The following TMEM177 variants were observed in gnomAD, a reference collection of about 807,000 sequenced individuals.
TMEM177 encodes transmembrane protein 177.
TMEM177 carries 4 observed loss-of-function variants against 14.2 expected under a neutral mutation model. The ratio of observed to expected loss-of-function variants is 0.28; its 90% confidence interval spans 0.14 to 0.64. TMEM177 has a LOEUF of 0.64. Ranked by LOEUF, TMEM177 falls within the 30% of genes least tolerant of loss-of-function variation. TMEM177 has a pLI of 0.82. For missense variants in TMEM177, 344 were observed against 405.2 expected (o/e 0.85, Z 1.30); for synonymous variants, 179 against 174.5 (o/e 1.03, Z -0.20).
At chr2:119,721,449 T>G in the TMEM177 span, among the ~76,000 whole-genome samples, 1 of 152,206 alleles carries the variant, frequency 6.6e-6, no homozygotes, top group Non-Finnish European at 1.5e-5. Flanking sequence ...TTCTTTATTA[T>G]AAAACTATAA....
the TMEM177 span, among the ~76,000 whole-genome samples, chr2:119,696,832 A>G: frequency 0.37 from 56,407 of 151,248 alleles, 10,792 homozygotes; most frequent in South Asian, 0.5. Flanking sequence ...TCGGGGAGGC[A>G]GGGAGAAGTG....
the TMEM177 span, chr2:119,698,621 AAAT>A: frequency 5.5e-6 from 1 of 181,498 alleles, no homozygotes; most frequent in African/African-American, 2.4e-5. Context: ...TGATCTGTGA[AAAT>A]GGTTCGCTAT....
At chr2:119,694,444 G>T in the TMEM177 span, among the ~76,000 whole-genome samples, 8 of 152,246 alleles carry the variant, frequency 5.3e-5, no homozygotes, top group Non-Finnish European at 1.2e-4. Flanking sequence ...CATATCTGAA[G>T]CAGAGGTGTG....
chr2:119,689,857 TTATTAC>T (rs1689067995), downstream of TMEM177, among the ~76,000 whole-genome samples: 3 of 152,220 alleles, frequency 2.0e-5, no homozygotes, highest in Non-Finnish European at 2.9e-5. Context: ...ATAAGGAATA[TTATTAC>T]TATTATAACA....
At chr2:119,705,603 T>G in the TMEM177 span, among the ~76,000 whole-genome samples, 1 of 138,068 alleles carries the variant, frequency 7.2e-6, no homozygotes, top group Non-Finnish European at 1.5e-5. Flanking sequence ...CTCTCTCCCT[T>G]CAGCCCACTC....
the TMEM177 span, among the ~76,000 whole-genome samples, chr2:119,707,797 G>C: frequency 6.6e-6 from 1 of 152,202 alleles, no homozygotes; most frequent in Non-Finnish European, 1.5e-5. Flanking sequence ...CCTCCACTCC[G>C]TGTTGCATGG....
At chr2:119,709,339 C>T in the TMEM177 span, among the ~76,000 whole-genome samples, 1 of 152,114 alleles carries the variant, frequency 6.6e-6, no homozygotes, top group African/African-American at 2.4e-5. Context: ...TACTACAATC[C>T]CTTTGAATTT....
At chr2:119,712,668 C>T in the TMEM177 span, among the ~76,000 whole-genome samples, 22 of 152,338 alleles carry the variant, frequency 1.4e-4, no homozygotes, top group South Asian at 1.7e-3. Context: ...ATGTCTATCG[C>T]TTAAGCCACC....
chr2:119,709,232 G>C, the TMEM177 span, among the ~76,000 whole-genome samples: 2 of 152,220 alleles, frequency 1.3e-5, no homozygotes, highest in Admixed American at 1.3e-4. Flanking sequence ...CCTGTGGCCT[G>C]ACAGATTGTG....
rs1478530101 is a variant in TMEM177, at chr2:119,681,605, A to C, written c.752A>C (p.Glu251Ala). ...AYACGGVEFY[E>A]KLLSGNLALR... is the part of the protein sequence containing the mutation. ...GCCTGTGGTGGAGTGGAGTTCTATG[A>C]GAAGCTTCTGTCGGGCAACCTGGCC... Residue 251 changes from glutamate to alanine, a missense_variant, in exon 2 of 2, where the codon GAG (glutamate) becomes GCG (alanine). Coordinates refer to ENST00000272521, the MANE Select transcript of TMEM177 (RefSeq NM_030577.3). 2 of 1,614,212 alleles carry C rather than the reference A, an allele frequency of 1.2e-6. No individual in the cohort carries two copies. The highest frequency in any genetic ancestry group is 3.3e-5 in the Admixed American group (2 of 60,026).
At chr2:119,717,992 G>C in the TMEM177 span, among the ~76,000 whole-genome samples, 1 of 152,046 alleles carries the variant, frequency 6.6e-6, no homozygotes, top group African/African-American at 2.4e-5. Flanking sequence ...CTGCTTCCCG[G>C]TCCCTTCTCC....
the TMEM177 span, among the ~76,000 whole-genome samples, chr2:119,696,636 T>C: frequency 6.6e-6 from 1 of 152,054 alleles, no homozygotes; most frequent in African/African-American, 2.4e-5. Context: ...GGGCTGGGTA[T>C]AGGGGGCAGA....
the TMEM177 span, among the ~76,000 whole-genome samples, chr2:119,703,034 A>C: frequency 6.6e-6 from 1 of 152,174 alleles, no homozygotes; most frequent in South Asian, 2.1e-4. Context: ...GAGCAAGCTC[A>C]CCGTGGCCCA....
downstream of TMEM177, chr2:119,685,971 A>G (rs138712730): frequency 2.9e-3 from 1,361 of 477,284 alleles, 8 homozygotes; most frequent in African/African-American, 0.022. Flanking sequence ...CCAGCCTACC[A>G]TGTTTAGTGC....
At chr2:119,712,255 C>T in the TMEM177 span, among the ~76,000 whole-genome samples, 8 of 152,056 alleles carry the variant, frequency 5.3e-5, no homozygotes, top group East Asian at 1.9e-4. Context: ...TCTCTCCTGC[C>T]GCGTGGCTCT....
At chr2:119,687,695 T>C (rs925900576), downstream of TMEM177, among the ~76,000 whole-genome samples, 1 of 152,096 alleles carries the variant, frequency 6.6e-6, no homozygotes, top group Non-Finnish European at 1.5e-5. Context: ...AGCCAAATCA[T>C]AGCACCCCAG....
downstream of TMEM177, among the ~76,000 whole-genome samples, chr2:119,688,200 G>T (rs910981127): frequency 6.6e-6 from 1 of 152,140 alleles, no homozygotes; most frequent in Non-Finnish European, 1.5e-5. Context: ...TAAAAATGAG[G>T]TACAATCTGC....
At chr2:119,723,151 C>T in the TMEM177 span, among the ~76,000 whole-genome samples, 16 of 152,086 alleles carry the variant, frequency 1.1e-4, no homozygotes, top group Non-Finnish European at 4.4e-5. Flanking sequence ...CAAAAACAGA[C>T]GAGTAGACAA....
chr2:119,704,781 C>T, the TMEM177 span, among the ~76,000 whole-genome samples: 1 of 152,214 alleles, frequency 6.6e-6, no homozygotes, highest in Non-Finnish European at 1.5e-5. Flanking sequence ...TTCTCAGAAT[C>T]TCAGCTCTAC....
Sources: allele counts gnomAD v4.1 joint callset (sites outside exome capture counted in the v4.1 genomes callset), GRCh38; gene constraint gnomAD v4.1.1; transcripts MANE v1.5; gene names NCBI Gene and HGNC (gene_info 2026-07-23, HGNC 2026-07-21).